The following ARID1A variants were observed in gnomAD, a reference collection of about 807,000 sequenced individuals.
The protein encoded by ARID1A is AT-rich interactive domain-containing protein 1A.
A neutral mutation model predicts 212.6 loss-of-function variants in ARID1A; 20 were observed. The observed-to-expected ratio is 0.09, with a 90% CI of 0.07 to 0.14. ARID1A has a LOEUF of 0.14. ARID1A is among the 10% of genes least tolerant of loss of function. The pLI is 1.00. For missense variants in ARID1A, 2,587 were observed against 3,059.0 expected (o/e 0.85, Z 3.64); for synonymous variants, 1,376 against 1,222.1 (o/e 1.13, Z -2.63).
At position 26,696,089 on chromosome 1, in the gene ARID1A, C is replaced by T; in HGVS notation, c.-315C>T. On this transcript the variant is annotated 5_prime_UTR_variant, in exon 1 of 20. Transcript: ENST00000324856. Reference sequence around the variant, plus strand: ...TGGGGAGCGGAGCCTCCACCGCCCCCCTCATTCCCAGGCAAGGGCTTGGGG... The same window carrying T: ...TGGGGAGCGGAGCCTCCACCGCCCCTCTCATTCCCAGGCAAGGGCTTGGGG... The T allele has an allele frequency of 2.1e-6, 1 of 477,666 alleles. No homozygotes were observed. Among genetic ancestry groups the T allele is most frequent in the Non-Finnish European group, 2.9e-6 (1 of 346,948 alleles). 29.6% of individuals were successfully genotyped at this position (477,666 alleles called of 1,614,324 possible).
intron 4 of ARID1A, among the ~76,000 whole-genome samples, chr1:26,745,816 T>C (rs2080830896): frequency 6.6e-6 from 1 of 151,586 alleles, no homozygotes; most frequent in South Asian, 2.1e-4. Context: ...CTTTGGGAGG[T>C]TGAGGCGGTG....
At position 26,760,987 on chromosome 1, in the gene ARID1A, T is replaced by C. The variant is rs2080986249; in HGVS notation, c.2052T>C (p.His684=). 3.1e-6 allele frequency: 5 copies of C among 1,614,084 alleles called. No individual in the cohort carries two copies. Among genetic ancestry groups the C allele is most frequent in the Non-Finnish European group, 4.2e-6 (5 of 1,180,016 alleles). Residue 684 remains histidine (H), a synonymous_variant, in exon 5 of 20, where the codon CAT becomes CAC. Coordinates refer to ENST00000324856, the MANE Select transcript of ARID1A (RefSeq NM_006015.6). The part of the protein sequence containing the change: ...SNPAQSPFSP[H]TSPHLPGIRG... ...CAGCTCAGTCTCCTTTCTCTCCTCA[T>C]ACCTCCCCTCACCTGCCTGGCATCC...
intron 1 of ARID1A, among the ~76,000 whole-genome samples, chr1:26,720,875 G>GA (rs970063789): frequency 8.6e-4 from 113 of 131,884 alleles, no homozygotes; most frequent in East Asian, 4.8e-3. Flanking sequence ...TGTCTCAAAA[G>GA]AAAAAAAAAA....
At chr1:26,731,725 C>T in intron 3 of ARID1A, 121 bp downstream of exon 3, 1 of 1,094,288 alleles carries the variant, frequency 9.1e-7, no homozygotes, top group Non-Finnish European at 1.3e-6. Flanking sequence ...ACCAATTAAA[C>T]TCTGGGTAAA....
At chr1:26,712,614 C>T (rs1374726262) in intron 1 of ARID1A, among the ~76,000 whole-genome samples, 4 of 151,998 alleles carry the variant, frequency 2.6e-5, no homozygotes, top group Non-Finnish European at 5.9e-5. Flanking sequence ...TCACTTGAGC[C>T]CAGGAGTTTA....
At chr1:26,758,718 G>C (rs780934593) in intron 4 of ARID1A, among the ~76,000 whole-genome samples, 1 of 151,944 alleles carries the variant, frequency 6.6e-6, no homozygotes, top group Non-Finnish European at 1.5e-5. Flanking sequence ...TTAGTCCTTC[G>C]AGAAAGGAGG....
chr1:26,710,494 TACACACACACACAC>T (rs61663540), intron 1 of ARID1A, among the ~76,000 whole-genome samples: 2 of 131,424 alleles, frequency 1.5e-5, no homozygotes, highest in South Asian at 2.5e-4. Context: ...AAATAATACA[TACACACACACACAC>T]ACACACACAC....
chr1:26,752,029 G>A (rs1031094216), intron 4 of ARID1A, among the ~76,000 whole-genome samples: 2 of 152,212 alleles, frequency 1.3e-5, no homozygotes, highest in African/African-American at 4.8e-5. Flanking sequence ...ACGGGGGCAA[G>A]TAGGAAACAC....
At chr1:26,705,079 C>T (rs1478111095) in intron 1 of ARID1A, among the ~76,000 whole-genome samples, 1 of 151,934 alleles carries the variant, frequency 6.6e-6, no homozygotes, top group Non-Finnish European at 1.5e-5. Flanking sequence ...AGTGCCAGGC[C>T]ACTGTAATGC....
At chr1:26,758,363 T>C (rs2080960217) in intron 4 of ARID1A, among the ~76,000 whole-genome samples, 1 of 152,028 alleles carries the variant, frequency 6.6e-6, no homozygotes, top group South Asian at 2.1e-4. Context: ...TGTGGGAGGA[T>C]TGAGCCCAAG....
chr1:26,736,319 T>A, intron 4 of ARID1A, among the ~76,000 whole-genome samples: 1 of 93,350 alleles, frequency 1.1e-5, no homozygotes. Flanking sequence ...GTGAACTCCA[T>A]CTCAAAAAAA....
intron 1 of ARID1A, among the ~76,000 whole-genome samples, chr1:26,714,600 A>T (rs899692559): frequency 6.6e-6 from 1 of 152,080 alleles, no homozygotes; most frequent in Non-Finnish European, 1.5e-5. Context: ...TATTTTTAGT[A>T]GAGATGGGGT....
Position 26,696,170 on chromosome 1 carries a change from G to A in ARID1A, c.-234G>A. On this transcript the variant is annotated 5_prime_UTR_variant, in exon 1 of 20. Coordinates refer to ENST00000324856, the MANE Select transcript of ARID1A (RefSeq NM_006015.6). ...CTACAGAGCCGGGAGCAGCTGAGCCGCCGGCGCCTCGGCCGCCGCCGCCGC... is the reference window on the plus strand; with the variant it reads ...CTACAGAGCCGGGAGCAGCTGAGCCACCGGCGCCTCGGCCGCCGCCGCCGC... The A allele has an allele frequency of 7.3e-6, 4 of 550,732 alleles. No individual in the cohort carries two copies. The highest frequency in any genetic ancestry group is 7.6e-6 in the Non-Finnish European group (3 of 396,126). 34.1% of individuals were successfully genotyped at this position (550,732 alleles called of 1,614,324 possible).
chr1:26,762,678 G>A (rs1461658517), intron 7 of ARID1A, among the ~76,000 whole-genome samples: 1 of 152,106 alleles, frequency 6.6e-6, no homozygotes, highest in Non-Finnish European at 1.5e-5. Context: ...GCTCAAAATT[G>A]CAGCCCTAGG....
chr1:26,714,830 A>AG (rs2080486725), intron 1 of ARID1A, among the ~76,000 whole-genome samples: 1 of 152,196 alleles, frequency 6.6e-6, no homozygotes, highest in Non-Finnish European at 1.5e-5. Flanking sequence ...ATTTTGGGGA[A>AG]GTAGTCCAAG....
At chr1:26,725,929 G>T (rs1382357963) in intron 1 of ARID1A, among the ~76,000 whole-genome samples, 1 of 145,024 alleles carries the variant, frequency 6.9e-6, no homozygotes, top group African/African-American at 2.6e-5. Flanking sequence ...ATCTCCGCTC[G>T]CTGCAGCTTC....
At chr1:26,751,112 G>A (rs566781709) in intron 4 of ARID1A, among the ~76,000 whole-genome samples, 1 of 151,868 alleles carries the variant, frequency 6.6e-6, no homozygotes, top group African/African-American at 2.4e-5. Context: ...AAAATTAGCC[G>A]GGCGTGGTGG....
At position 26,697,232 on chromosome 1, in the gene ARID1A, G is replaced by A. The variant is rs2080276908; in HGVS notation, c.829G>A (p.Gly277Ser). 4.4e-6 allele frequency: 6 copies of A among 1,375,980 alleles called. No individual in the cohort carries two copies. Among genetic ancestry groups the A allele is most frequent in the Non-Finnish European group, 5.6e-6 (6 of 1,071,354 alleles). 85.2% of individuals were successfully genotyped at this position (1,375,980 alleles called of 1,614,324 possible). The change falls in exon 1 of 20, where the codon GGC becomes AGC. Residue 277 changes from glycine to serine, a missense_variant. Gly to Ser is a moderately conservative substitution (Grantham distance 56). Around this residue, in one of 11 missense-constraint regions of ARID1A, gnomAD observed 735 missense variants for 590.6 expected, o/e 1.24. Transcript: ENST00000324856. ...GCAGCGCTTCGGGGCCATGGGGGGAGGCGGCCCCTCCGCGGCCGGCGGGGG... is the reference window on the plus strand; with the variant it reads ...GCAGCGCTTCGGGGCCATGGGGGGAAGCGGCCCCTCCGCGGCCGGCGGGGG... ...AQQRFGAMGG[G>S]GPSAAGGGTP...
intron 1 of ARID1A, chr1:26,727,855 T>A (rs779199686): frequency 6.6e-6 from 1 of 152,194 alleles, no homozygotes; most frequent in Non-Finnish European, 1.5e-5. Flanking sequence ...CAGTGTGATA[T>A]GTGGCATGAT....
Sources: gnomAD v4.1 joint callset for allele counts (sites outside exome capture counted in the v4.1 genomes callset) on GRCh38, gnomAD v4.1.1 for gene constraint, gnomAD v4.1.1 regional missense constraint, MANE v1.5 for transcripts, NCBI Gene and HGNC (gene_info 2026-07-23, HGNC 2026-07-21) for gene names.